Variants in RIPOR3 observed in about 807,000 individuals in gnomAD.
The protein encoded by RIPOR3 is family with sequence similarity 65 member C.
Under a neutral mutation model 114.3 loss-of-function variants are expected in RIPOR3, and 95 were observed. That is an observed-to-expected ratio of 0.83 (90% CI 0.70 to 0.99). RIPOR3 has a LOEUF of 0.99. RIPOR3 is among the 50% of genes least tolerant of loss of function. The pLI is 0.00. For missense variants in RIPOR3, 1,252 were observed against 1,266.9 expected, an observed-to-expected ratio of 0.99 and a Z score of 0.18; for synonymous variants, 575 against 543.8, an observed-to-expected ratio of 1.06 and a Z score of -0.80.
At chr20:50,589,552 T>C (rs1033641021) in intron 20 of RIPOR3, 134 bp downstream of exon 20, 5 of 904,702 alleles carry the variant, frequency 5.5e-6, no homozygotes, top group Non-Finnish European at 8.4e-6. Flanking sequence ...TGCCTTGGCC[T>C]CCCAAAGTGC....
intron 1 of RIPOR3, among the ~76,000 whole-genome samples, chr20:50,681,585 G>A (rs901810658): frequency 1.3e-5 from 2 of 152,212 alleles, no homozygotes; most frequent in African/African-American, 4.8e-5. Context: ...TCTGTAAAGT[G>A]GGGCTTCTAA....
chr20:50,595,807 C>T (rs1039573946), intron 15 of RIPOR3, among the ~76,000 whole-genome samples: 16 of 152,292 alleles, frequency 1.1e-4, no homozygotes, highest in African/African-American at 2.9e-4. Flanking sequence ...TGCATCCAGC[C>T]GAGCCTGAAG....
intron 1 of RIPOR3, among the ~76,000 whole-genome samples, chr20:50,670,331 C>A (rs1017265276): frequency 6.6e-6 from 1 of 152,024 alleles, no homozygotes; most frequent in Non-Finnish European, 1.5e-5. Flanking sequence ...TCCCTCTCCT[C>A]CTGGGAAGTC....
intron 1 of RIPOR3, among the ~76,000 whole-genome samples, chr20:50,636,237 C>T (rs2084980587): frequency 6.6e-6 from 1 of 152,254 alleles, no homozygotes; most frequent in Non-Finnish European, 1.5e-5. Flanking sequence ...CGGACAGCTC[C>T]TGACAAGTCC....
intron 4 of RIPOR3, among the ~76,000 whole-genome samples, chr20:50,612,176 T>TTGCC (rs1328609435): frequency 1.3e-5 from 2 of 151,812 alleles, no homozygotes; most frequent in African/African-American, 4.8e-5. Context: ...ATACACACCT[T>TTGCC]TGCCTACCTT....
intron 19 of RIPOR3, among the ~76,000 whole-genome samples, chr20:50,590,215 G>A (rs536779458): frequency 1.0e-3 from 153 of 152,326 alleles, no homozygotes; most frequent in African/African-American, 3.2e-3. Flanking sequence ...CAATCCCAGC[G>A]GTGACCCTGC....
intron 1 of RIPOR3, among the ~76,000 whole-genome samples, chr20:50,682,476 G>A (rs2086889538): frequency 6.6e-6 from 1 of 152,038 alleles, no homozygotes; most frequent in Non-Finnish European, 1.5e-5. Flanking sequence ...GTGTGGTGGT[G>A]CACGCCTGTA....
Position 50,611,008 on chromosome 20 carries a change from G to GGCTTAGTGCCGGGCCA in RIPOR3, c.373-103_373-102insTGGCCCGGCACTAAGC, listed in dbSNP as rs72147695. ...CTACAGGTCCTAACTCAGAGAATGGGGCCCCTCACCATCCCTGAGGAAGGC... is the reference window on the plus strand; with the variant it reads ...CTACAGGTCCTAACTCAGAGAATGGGGCTTAGTGCCGGGCCAGCCCCTCACCATCCCTGAGGAAGGC... On this transcript the variant is annotated intron_variant, in intron 5 of 21. Transcript: ENST00000327979. 2.5e-4 allele frequency: 345 copies of GGCTTAGTGCCGGGCCA among 1,396,222 alleles called. 1 individual carries two copies. The African/African-American group carries it at 4.6e-3, about 19-fold the overall frequency. 86.5% of individuals were successfully genotyped at this position (1,396,222 alleles called of 1,614,324 possible). A position where few individuals can be genotyped will look rare whatever the true frequency, so the allele number is the denominator to read the frequency against.
intron 1 of RIPOR3, among the ~76,000 whole-genome samples, chr20:50,674,364 T>A (rs1247402372): frequency 6.6e-6 from 1 of 151,922 alleles, no homozygotes; most frequent in African/African-American, 2.4e-5. Flanking sequence ...TGGGACCTAT[T>A]TCACAGTCAT....
At position 50,664,167 on chromosome 20, in the gene RIPOR3, T is replaced by C. The variant is rs141047581; in HGVS notation, c.3+26959A>G. 9.7e-3 allele frequency among the ~76,000 whole-genome samples: 1,480 copies of C among 152,318 alleles called. 27 individuals are homozygous for C. The highest frequency in any genetic ancestry group is 0.032 in the African/African-American group (1,326 of 41,576). On this transcript the variant is annotated intron_variant, in intron 1 of 21. Transcript: ENST00000327979. ...GTCTCGAACTCCTGGCTTCAGGTGA[T>C]CCACCTGCCTCGACCTCCCAAAGTG...
chr20:50,608,560 G>T, intron 10 of RIPOR3, 26 bp from the exon 11 acceptor site: 1 of 1,613,680 alleles, frequency 6.2e-7, no homozygotes, highest in Non-Finnish European at 8.5e-7. Context: ...GGAGGGTGGT[G>T]TCTGAGCCGA....
chr20:50,605,346 T>C (rs1404885929), intron 11 of RIPOR3, among the ~76,000 whole-genome samples: 1 of 152,014 alleles, frequency 6.6e-6, no homozygotes, highest in Non-Finnish European at 1.5e-5. Flanking sequence ...AGTGACTTGC[T>C]TAGGGCAGTG....
intron 1 of RIPOR3, among the ~76,000 whole-genome samples, chr20:50,668,514 CCA>C (rs2086337438): frequency 6.6e-6 from 1 of 152,106 alleles, no homozygotes; most frequent in Non-Finnish European, 1.5e-5. Flanking sequence ...GGTTCCTTTC[CCA>C]CACACACCCA....
intron 1 of RIPOR3, among the ~76,000 whole-genome samples, chr20:50,643,474 G>A (rs963130200): frequency 6.0e-5 from 9 of 150,274 alleles, no homozygotes; most frequent in Admixed American, 1.3e-4. Flanking sequence ...TGGGAAGACC[G>A]CTTAAAGCCA....
At chr20:50,626,517 C>T (rs990246240) in intron 2 of RIPOR3, among the ~76,000 whole-genome samples, 4 of 152,194 alleles carry the variant, frequency 2.6e-5, no homozygotes, top group African/African-American at 7.2e-5. Flanking sequence ...CCCAGGAATC[C>T]AGGAAGGGGC....
At chr20:50,587,732 G>T in intron 21 of RIPOR3, 70 bp downstream of exon 21, 2 of 1,455,584 alleles carry the variant, frequency 1.4e-6, no homozygotes, top group Admixed American at 1.7e-5. Context: ...GGAGAGCTGG[G>T]TGTGGCCTCT....
At chr20:50,590,647 C>G (rs190517089) in intron 19 of RIPOR3, among the ~76,000 whole-genome samples, 324 of 152,276 alleles carry the variant, frequency 2.1e-3, no homozygotes, top group Middle Eastern at 0.014. Context: ...GAGGCCACAT[C>G]GGTGTGGAAA....
At chr20:50,593,599 C>T (rs1007932497) in intron 17 of RIPOR3, among the ~76,000 whole-genome samples, 16 of 151,960 alleles carry the variant, frequency 1.1e-4, no homozygotes, top group East Asian at 1.9e-4. Flanking sequence ...TCTGATGGCA[C>T]GAGGGCAGGT....
chr20:50,609,761 G>A (rs2083883085), intron 6 of RIPOR3, 39 bp from the exon 7 acceptor site: 2 of 1,355,594 alleles, frequency 1.5e-6, no homozygotes, highest in Admixed American at 3.7e-5. Flanking sequence ...TGCCCACGCG[G>A]AGGGGCGGCC....
Sources: allele counts gnomAD v4.1 joint callset (sites outside exome capture counted in the v4.1 genomes callset), GRCh38; gene constraint gnomAD v4.1.1; transcripts MANE v1.5; gene names NCBI Gene and HGNC (gene_info 2026-07-23, HGNC 2026-07-21).